Variants in BRD10 observed in about 807,000 individuals in gnomAD.
The protein encoded by BRD10 is bromodomain containing 10.
the BRD10 span, among the ~76,000 whole-genome samples, chr9:5,954,658 A>C: frequency 1.3e-5 from 2 of 152,242 alleles, no homozygotes; most frequent in Non-Finnish European, 2.9e-5. Context: ...ATCTCCCTTT[A>C]AAGTGCACCT....
chr9:5,972,542 C>G, the BRD10 span, among the ~76,000 whole-genome samples: 3 of 152,100 alleles, frequency 2.0e-5, no homozygotes, highest in Non-Finnish European at 4.4e-5. Flanking sequence ...CCCATTCTCA[C>G]TGCAGTGAGT....
chr9:5,912,368 T>C, the BRD10 span, among the ~76,000 whole-genome samples: 2 of 152,098 alleles, frequency 1.3e-5, no homozygotes, highest in Admixed American at 6.5e-5. Flanking sequence ...GTCTCTTGTC[T>C]GATTGGTTTA....
chr9:6,007,488 G>A, the BRD10 span: 1 of 1,612,126 alleles, frequency 6.2e-7, no homozygotes, highest in Non-Finnish European at 8.5e-7. Context: ...GCTGCAGAAA[G>A]GGGGCGGTGA....
At chr9:5,941,317 TCTG>T in the BRD10 span, among the ~76,000 whole-genome samples, 3 of 152,178 alleles carry the variant, frequency 2.0e-5, no homozygotes, top group African/African-American at 4.8e-5. Flanking sequence ...GCAAATTTTA[TCTG>T]CTAACTAAAA....
At chr9:5,886,913 CCCAAAGGGATG>C in the BRD10 span, among the ~76,000 whole-genome samples, 1 of 152,124 alleles carries the variant, frequency 6.6e-6, no homozygotes, top group Non-Finnish European at 1.5e-5. Context: ...CACTCAAAGA[CCCAAAGGGATG>C]CCTGTGAAAG....
chr9:5,983,249 G>T, the BRD10 span, among the ~76,000 whole-genome samples: 4 of 152,160 alleles, frequency 2.6e-5, no homozygotes, highest in African/African-American at 4.8e-5. Flanking sequence ...CTATTGTAGG[G>T]CTGAACTGGA....
At chr9:5,993,897 A>T in the BRD10 span, among the ~76,000 whole-genome samples, 4 of 152,218 alleles carry the variant, frequency 2.6e-5, no homozygotes, top group African/African-American at 4.8e-5. Flanking sequence ...TTCCAAGAAC[A>T]ACTAATTAAA....
chr9:5,918,466 A>C, the BRD10 span, among the ~76,000 whole-genome samples: 2 of 152,222 alleles, frequency 1.3e-5, no homozygotes, highest in African/African-American at 4.8e-5. Flanking sequence ...CTGTAATACC[A>C]GCACTTTGGG....
the BRD10 span, chr9:5,968,130 G>T: frequency 1.3e-6 from 2 of 1,579,244 alleles, no homozygotes; most frequent in Non-Finnish European, 1.7e-6. Context: ...CGCTTTCTCT[G>T]TAAGTTTTCA....
the BRD10 span, among the ~76,000 whole-genome samples, chr9:5,993,561 C>T: frequency 6.6e-6 from 1 of 152,152 alleles, no homozygotes; most frequent in Admixed American, 6.5e-5. Flanking sequence ...TATTTTACCA[C>T]TCTAAGCCCA....
the BRD10 span, chr9:6,007,741 T>C: frequency 6.3e-7 from 1 of 1,596,114 alleles, no homozygotes; most frequent in Non-Finnish European, 8.5e-7. Context: ...CGGCCGCTCT[T>C]CCTCCCCAGC....
At chr9:5,989,235 T>TAAAAAAAAAAA in the BRD10 span, among the ~76,000 whole-genome samples, 2 of 46,164 alleles carry the variant, frequency 4.3e-5, no homozygotes, top group African/African-American at 8.3e-5. Flanking sequence ...TCTGTCTCAT[T>TAAAAAAAAAAA]AAAAAAAAAA....
chr9:5,966,100 G>C, the BRD10 span, among the ~76,000 whole-genome samples: 1 of 152,134 alleles, frequency 6.6e-6, no homozygotes, highest in African/African-American at 2.4e-5. Context: ...TTTGCTCTGA[G>C]AATAAAATAA....
the BRD10 span, chr9:5,909,641 G>C: frequency 1.3e-5 from 2 of 152,222 alleles, no homozygotes; most frequent in Admixed American, 6.5e-5. Flanking sequence ...CTAATGACAA[G>C]TATTTTCTAC....
the BRD10 span, chr9:6,007,176 G>C: frequency 3.7e-6 from 6 of 1,605,662 alleles, no homozygotes; most frequent in Non-Finnish European, 4.3e-6. Context: ...CAGTCCCACC[G>C]GGGACCGGGC....
At chr9:5,896,057 A>C in the BRD10 span, among the ~76,000 whole-genome samples, 1 of 152,184 alleles carries the variant, frequency 6.6e-6, no homozygotes, top group East Asian at 1.9e-4. Context: ...ACTCTGCAGG[A>C]AAAGCACTGG....
the BRD10 span, among the ~76,000 whole-genome samples, chr9:5,906,696 G>A: frequency 1.3e-5 from 2 of 152,240 alleles, no homozygotes; most frequent in Non-Finnish European, 2.9e-5. Context: ...CTGAGAGGTA[G>A]GTAGGTATTA....
At chr9:5,890,838 C>G in the BRD10 span, 1 of 152,040 alleles carries the variant, frequency 6.6e-6, no homozygotes, top group Non-Finnish European at 1.5e-5. Context: ...TCATGGGACT[C>G]AAAACCAGGA....
chr9:5,906,951 C>T, the BRD10 span: 3 of 1,600,198 alleles, frequency 1.9e-6, no homozygotes, highest in South Asian at 1.1e-5. Context: ...AGGGTTTGAT[C>T]ATCGGGACAG....
Sources: allele counts gnomAD v4.1 joint callset (sites outside exome capture counted in the v4.1 genomes callset), GRCh38; gene constraint gnomAD v4.1.1; transcripts MANE v1.5; gene names NCBI Gene and HGNC (gene_info 2026-07-23, HGNC 2026-07-21).